The following B3GALT1 variants were observed in gnomAD, a reference collection of about 807,000 sequenced individuals.
The protein encoded by B3GALT1 is beta-1,3-galactosyltransferase 1.
A neutral mutation model predicts 23.2 loss-of-function variants in B3GALT1; 10 were observed. The ratio of observed to expected loss-of-function variants is 0.43; its 90% CI spans 0.27 to 0.73. The LOEUF is 0.73. Among genes scored for constraint, B3GALT1 ranks in the 30% least tolerant of loss-of-function variants. The pLI, the probability that B3GALT1 is intolerant of heterozygous loss-of-function variation, is 0.21. For synonymous variants in B3GALT1, 156 were observed against 141.5 expected, an observed-to-expected ratio of 1.10 and a Z score of -0.73; for missense variants, 299 against 405.4, an observed-to-expected ratio of 0.74 and a Z score of 2.25.
chr2:167,620,976 G>A (rs1378199104), intron 2 of B3GALT1, among the ~76,000 whole-genome samples: 1 of 151,740 alleles, frequency 6.6e-6, no homozygotes, highest in Non-Finnish European at 1.5e-5. Flanking sequence ...CCACCATCAA[G>A]CTGAAGGATG....
intron 3 of B3GALT1, among the ~76,000 whole-genome samples, chr2:167,767,998 G>T (rs1052997390): frequency 6.6e-6 from 1 of 151,950 alleles, no homozygotes; most frequent in African/African-American, 2.4e-5. Context: ...GGAGATTGAT[G>T]TCCCAGCTCA....
chr2:167,498,629 A>G (rs538970328), intron 2 of B3GALT1, among the ~76,000 whole-genome samples: 1 of 152,286 alleles, frequency 6.6e-6, no homozygotes, highest in South Asian at 2.1e-4. Context: ...GTAAGAAAAG[A>G]GGCGGGCTTG....
At chr2:167,586,124 TA>T (rs1281325892) in intron 2 of B3GALT1, among the ~76,000 whole-genome samples, 1 of 151,410 alleles carries the variant, frequency 6.6e-6, no homozygotes, top group East Asian at 1.9e-4. Flanking sequence ...CATTTTCTTA[TA>T]TTTTCATAAT....
At chr2:167,846,386 A>T (rs1689761717) in intron 4 of B3GALT1, among the ~76,000 whole-genome samples, 1 of 152,192 alleles carries the variant, frequency 6.6e-6, no homozygotes, top group Non-Finnish European at 1.5e-5. Flanking sequence ...ACCTATCAGA[A>T]TAACAGCAGA....
At chr2:167,629,548 A>C (rs1327243527) in intron 2 of B3GALT1, among the ~76,000 whole-genome samples, 6 of 151,684 alleles carry the variant, frequency 4.0e-5, no homozygotes, top group African/African-American at 1.4e-4. Flanking sequence ...CTCTTCTGTC[A>C]TAATTTTATT....
intron 3 of B3GALT1, among the ~76,000 whole-genome samples, chr2:167,787,676 C>T (rs1688364748): frequency 1.3e-5 from 2 of 152,304 alleles, no homozygotes; most frequent in South Asian, 4.1e-4. Flanking sequence ...ACCCCTATCC[C>T]AGCACCATTC....
chr2:167,663,718 T>C (rs1195811324), intron 3 of B3GALT1, among the ~76,000 whole-genome samples: 2 of 152,084 alleles, frequency 1.3e-5, no homozygotes, highest in South Asian at 2.1e-4. Flanking sequence ...CCAGTGATGG[T>C]GAGCATTTTT....
chr2:167,740,650 A>G (rs17643623), intron 3 of B3GALT1, among the ~76,000 whole-genome samples: 21,939 of 152,218 alleles, frequency 0.14, 1,857 homozygotes, highest in Non-Finnish European at 0.19. Context: ...CCACCCCTCT[A>G]AATGGTAGTA....
At chr2:167,617,986 A>T (rs10930274) in intron 2 of B3GALT1, among the ~76,000 whole-genome samples, 122,512 of 152,050 alleles carry the variant, frequency 0.81, 49,435 homozygotes, top group Admixed American at 0.87. Context: ...TATTTACCAC[A>T]TCCTGGCTTT....
At chr2:167,523,758 G>A (rs1683169329) in intron 2 of B3GALT1, among the ~76,000 whole-genome samples, 1 of 152,102 alleles carries the variant, frequency 6.6e-6, no homozygotes, top group Admixed American at 6.6e-5. Flanking sequence ...TTCCTTGTAA[G>A]TTCTACACAA....
chr2:167,685,574 G>A (rs1023793551), intron 3 of B3GALT1, among the ~76,000 whole-genome samples: 1 of 152,122 alleles, frequency 6.6e-6, no homozygotes, highest in African/African-American at 2.4e-5. Context: ...AGGCCCTGAG[G>A]CACAAAGGAG....
chr2:167,626,032 A>G (rs1685337087), intron 2 of B3GALT1, among the ~76,000 whole-genome samples: 1 of 146,074 alleles, frequency 6.8e-6, no homozygotes, highest in South Asian at 2.2e-4. Flanking sequence ...AAACAATTTC[A>G]CTTTGAAGGG....
chr2:167,309,712 A>G (rs1239382799), intron 1 of B3GALT1, among the ~76,000 whole-genome samples: 2 of 152,080 alleles, frequency 1.3e-5, no homozygotes, highest in Non-Finnish European at 2.9e-5. Context: ...TTAAGTTGAT[A>G]GTTTTGACAG....
intron 1 of B3GALT1, among the ~76,000 whole-genome samples, chr2:167,367,661 A>G (rs1161487761): frequency 6.6e-6 from 1 of 152,198 alleles, no homozygotes; most frequent in Non-Finnish European, 1.5e-5. Context: ...CATCTGGGAA[A>G]GGCAACACAG....
At chr2:167,695,620 T>C (rs1686780611) in intron 3 of B3GALT1, among the ~76,000 whole-genome samples, 1 of 152,188 alleles carries the variant, frequency 6.6e-6, no homozygotes, top group Non-Finnish European at 1.5e-5. Flanking sequence ...AACACAATTA[T>C]TTTTATTACT....
chr2:167,756,868 T>A (rs1228419853), intron 3 of B3GALT1, among the ~76,000 whole-genome samples: 1 of 152,170 alleles, frequency 6.6e-6, no homozygotes, highest in Non-Finnish European at 1.5e-5. Flanking sequence ...AGCTGAACAC[T>A]CATCTGGTTT....
intron 1 of B3GALT1, among the ~76,000 whole-genome samples, chr2:167,364,495 C>G (rs796078974): frequency 6.6e-6 from 1 of 152,094 alleles, no homozygotes; most frequent in African/African-American, 2.4e-5. Flanking sequence ...CCGCTCCCCC[C>G]ACCCCACAAC....
chr2:167,851,296 G>A (rs2105416464), intron 4 of B3GALT1, among the ~76,000 whole-genome samples: 1 of 152,192 alleles, frequency 6.6e-6, no homozygotes, highest in Middle Eastern at 3.4e-3. Context: ...CAAACCAAAA[G>A]GTGATAACCA....
intron 3 of B3GALT1, among the ~76,000 whole-genome samples, chr2:167,656,933 G>C (rs1408434357): frequency 6.6e-6 from 1 of 152,014 alleles, no homozygotes; most frequent in Non-Finnish European, 1.5e-5. Flanking sequence ...CACAGTGCTG[G>C]CAGCTGTAGA....
Sources: allele counts gnomAD v4.1 joint callset (sites outside exome capture counted in the v4.1 genomes callset), GRCh38; gene constraint gnomAD v4.1.1; transcripts MANE v1.5; gene names NCBI Gene and HGNC (gene_info 2026-07-23, HGNC 2026-07-21).